Variants in ANK2 observed in about 807,000 individuals in gnomAD.
ANK2 encodes the protein ankyrin 2.
In ANK2, 83 loss-of-function variants were observed where a neutral mutation model predicts 360.5. The ratio of observed to expected loss-of-function variants is 0.23; its 90% CI spans 0.19 to 0.28. ANK2 has a LOEUF of 0.28. ANK2 is among the 10% of genes least tolerant of loss of function. The pLI, the probability that ANK2 is intolerant of heterozygous loss-of-function variation, is 1.00. For synonymous variants in ANK2, 1,740 were observed against 1,759.5 expected, an observed-to-expected ratio of 0.99 and a Z score of 0.28; for missense variants, 4,201 against 4,795.7, an observed-to-expected ratio of 0.88 and a Z score of 3.66.
At chr4:112,810,206 TG>T in the ANK2 span, among the ~76,000 whole-genome samples, 4 of 142,488 alleles carry the variant, frequency 2.8e-5, no homozygotes, top group African/African-American at 5.1e-5. Flanking sequence ...TTCACCATGT[TG>T]GCCAGGCTGA....
chr4:112,751,444 G>T, the ANK2 span, among the ~76,000 whole-genome samples: 1 of 152,176 alleles, frequency 6.6e-6, no homozygotes, highest in African/African-American at 2.4e-5. Flanking sequence ...ACTAAAAGGC[G>T]ACTTAAGGCA....
chr4:113,110,430 A>G (rs1444991441), intron 1 of ANK2, among the ~76,000 whole-genome samples: 2 of 152,164 alleles, frequency 1.3e-5, no homozygotes, highest in Non-Finnish European at 2.9e-5. Context: ...ATCCCTAGCA[A>G]TAGATTTTAT....
chr4:113,145,753 C>G, intron 1 of ANK2: 1 of 1,206,770 alleles, frequency 8.3e-7, no homozygotes, highest in South Asian at 1.5e-5. Flanking sequence ...GGGAACTGAG[C>G]AGAGGAGCCA....
chr4:113,001,331 C>CAAA (rs11310852), intron 2 of ANK2, among the ~76,000 whole-genome samples: 967 of 84,156 alleles, frequency 0.011, 9 homozygotes, highest in African/African-American at 0.028. Context: ...AACTCTGTCT[C>CAAA]AAAAAAAAAA....
chr4:113,114,153 TAAG>T (rs1162454750), intron 1 of ANK2, among the ~76,000 whole-genome samples: 2 of 152,178 alleles, frequency 1.3e-5, no homozygotes, highest in East Asian at 3.8e-4. Flanking sequence ...ATTTGAATAG[TAAG>T]AGCCCTCAAT....
At chr4:113,193,513 A>T (rs1248347885) in intron 2 of ANK2, among the ~76,000 whole-genome samples, 1 of 152,242 alleles carries the variant, frequency 6.6e-6, no homozygotes, top group Admixed American at 6.5e-5. Context: ...GAGAAGGGAT[A>T]GAGAACATGT....
At chr4:113,288,528 G>A in intron 20 of ANK2, 42 bp downstream of exon 20, 1 of 1,551,188 alleles carries the variant, frequency 6.4e-7, no homozygotes, top group Non-Finnish European at 8.9e-7. Context: ...TAAGCAAAAA[G>A]GTTCAGCCAT....
At chr4:113,373,758 T>G in intron 45 of ANK2, 9 of 500,714 alleles carry the variant, frequency 1.8e-5, no homozygotes, top group South Asian at 1.5e-4. Flanking sequence ...TACAATTCTA[T>G]TTGCTGGGCA....
Position 113,383,112 on chromosome 4 carries a change from A to G in ANK2, c.*1641A>G, listed in dbSNP as rs2097196951. On this transcript the variant is annotated 3_prime_UTR_variant, in exon 46 of 46. Transcript: ENST00000357077. ...AATGAAGATGAAATTTAAATAAAAA[A>G]GGACAGAGTCTATCCTCCAGGGATT... 1 of 152,684 alleles carries G rather than the reference A, an allele frequency of 6.5e-6. No homozygotes were observed. The highest frequency in any genetic ancestry group is 2.1e-4 in the South Asian group (1 of 4,838). 9.5% of individuals were successfully genotyped at this position (152,684 alleles called of 1,614,324 possible). A position where few individuals can be genotyped will look rare whatever the true frequency, so the allele number is the denominator to read the frequency against.
chr4:113,142,574 T>C (rs2096671099), intron 1 of ANK2, among the ~76,000 whole-genome samples: 1 of 152,112 alleles, frequency 6.6e-6, no homozygotes, highest in Non-Finnish European at 1.5e-5. Flanking sequence ...CCTTGGCCTG[T>C]CCCTGTTTGG....
chr4:112,911,333 C>G (rs1381004241), intron 2 of ANK2, among the ~76,000 whole-genome samples: 4 of 151,556 alleles, frequency 2.6e-5, no homozygotes, highest in African/African-American at 9.7e-5. Context: ...GCCATCCTGG[C>G]TAACACGGTG....
chr4:113,203,526 G>A (rs2098887636), intron 4 of ANK2, among the ~76,000 whole-genome samples: 1 of 151,802 alleles, frequency 6.6e-6, no homozygotes. Context: ...ATAGTTTCAG[G>A]ATTATGCATA....
chr4:112,905,154 G>A (rs143326458), intron 2 of ANK2, among the ~76,000 whole-genome samples: 165 of 152,174 alleles, frequency 1.1e-3, no homozygotes, highest in Non-Finnish European at 1.5e-3. Flanking sequence ...AGAAGAATCC[G>A]TTTCTTTTCT....
At chr4:112,738,728 G>A in the ANK2 span, 1 of 617,068 alleles carries the variant, frequency 1.6e-6, no homozygotes, top group Non-Finnish European at 3.0e-6. Flanking sequence ...GAACCAAGAA[G>A]TTCATCCGGC....
At chr4:112,855,677 G>A (rs1323713905) in intron 1 of ANK2, among the ~76,000 whole-genome samples, 4 of 152,084 alleles carry the variant, frequency 2.6e-5, no homozygotes, top group African/African-American at 4.8e-5. Flanking sequence ...ACTATTCTAG[G>A]TGACAAAAGT....
chr4:113,266,698 A>G (rs796243939), intron 14 of ANK2, among the ~76,000 whole-genome samples: 7 of 152,282 alleles, frequency 4.6e-5, no homozygotes, highest in African/African-American at 1.7e-4. Flanking sequence ...ACCAACATGG[A>G]GAAACCCTGT....
the ANK2 span, among the ~76,000 whole-genome samples, chr4:112,731,256 ACT>A: frequency 6.8e-6 from 1 of 147,096 alleles, no homozygotes; most frequent in Non-Finnish European, 1.5e-5. Flanking sequence ...GCACCACTTC[ACT>A]GTCTTCCAGC....
intron 9 of ANK2, among the ~76,000 whole-genome samples, chr4:113,246,812 A>G (rs1385412976): frequency 6.6e-6 from 1 of 152,160 alleles, no homozygotes; most frequent in Non-Finnish European, 1.5e-5. Context: ...TACAAATATC[A>G]TCTTATTTTA....
chr4:113,063,694 A>G (rs1345691107), intron 1 of ANK2, among the ~76,000 whole-genome samples: 1 of 152,194 alleles, frequency 6.6e-6, no homozygotes, highest in Non-Finnish European at 1.5e-5. Context: ...GAGCTGAATT[A>G]TGAAAAATGA....
Sources: gnomAD v4.1 joint callset for allele counts (sites outside exome capture counted in the v4.1 genomes callset) on GRCh38, gnomAD v4.1.1 for gene constraint, MANE v1.5 for transcripts, NCBI Gene and HGNC (gene_info 2026-07-23, HGNC 2026-07-21) for gene names.